The following PTP4A3 variants were observed in gnomAD, a reference collection of about 807,000 sequenced individuals.
PTP4A3 encodes the protein protein tyrosine phosphatase type IVA 3.
A neutral mutation model predicts 15.2 loss-of-function variants in PTP4A3; 9 were observed. That is an observed-to-expected ratio of 0.59 (90% CI 0.36 to 1.03). The LOEUF is 1.03. PTP4A3 is among the 50% of genes least tolerant of loss of function. PTP4A3 has a pLI of 0.02. For synonymous variants in PTP4A3, 95 were observed against 102.0 expected, an observed-to-expected ratio of 0.93 and a Z score of 0.41; for missense variants, 234 against 252.1, an observed-to-expected ratio of 0.93 and a Z score of 0.49.
intron 1 of PTP4A3, among the ~76,000 whole-genome samples, chr8:141,407,337 G>C (rs879495862): frequency 2.6e-5 from 4 of 152,228 alleles, no homozygotes; most frequent in Non-Finnish European, 5.9e-5. Context: ...GGTCTTGGGA[G>C]AACAGAAGTT....
At chr8:141,419,429 TGCTGTTA>T (rs1833217808) in intron 1 of PTP4A3, among the ~76,000 whole-genome samples, 1 of 152,232 alleles carries the variant, frequency 6.6e-6, no homozygotes, top group South Asian at 2.1e-4. Context: ...GGTGTTTGTG[TGCTGTTA>T]GCACGTGGTG....
intron 2 of PTP4A3, among the ~76,000 whole-genome samples, chr8:141,423,130 T>C (rs1833411233): frequency 6.6e-6 from 1 of 152,132 alleles, no homozygotes; most frequent in African/African-American, 2.4e-5. Context: ...CCCTGTGACA[T>C]GAGATAAGCC....
At chr8:141,427,190 A>G (rs1372865333) in intron 4 of PTP4A3, 121 bp downstream of exon 4, 2 of 1,421,766 alleles carry the variant, frequency 1.4e-6, no homozygotes, top group South Asian at 1.3e-5. Flanking sequence ...CAGGAGGCCC[A>G]TGCCCCTAGT....
intron 1 of PTP4A3, among the ~76,000 whole-genome samples, chr8:141,420,726 GAC>G: frequency 6.6e-6 from 1 of 152,238 alleles, no homozygotes; most frequent in South Asian, 2.1e-4. Flanking sequence ...GAGCAGTGGA[GAC>G]ACAGTGGCGG....
intron 3 of PTP4A3, chr8:141,426,585 G>A: frequency 2.0e-6 from 2 of 985,468 alleles, no homozygotes; most frequent in Non-Finnish European, 2.4e-6. Flanking sequence ...CCGGCACACA[G>A]GCGTGAGGGA....
chr8:141,418,486 C>T (rs1586555724), intron 1 of PTP4A3, among the ~76,000 whole-genome samples: 1 of 152,356 alleles, frequency 6.6e-6, no homozygotes, highest in East Asian at 1.9e-4. Context: ...TCTCCCCTCT[C>T]CCTGGCTTGT....
chr8:141,417,921 C>G (rs901195433), intron 1 of PTP4A3, among the ~76,000 whole-genome samples: 6 of 151,886 alleles, frequency 4.0e-5, no homozygotes. Context: ...CGCCTGGAGC[C>G]GGCTCCGCGG....
At chr8:141,399,625 G>T (rs1372951362) in intron 1 of PTP4A3, among the ~76,000 whole-genome samples, 2 of 152,260 alleles carry the variant, frequency 1.3e-5, no homozygotes, top group Admixed American at 6.5e-5. Context: ...AGATGGGTGG[G>T]ATCAGGACAA....
chr8:141,397,262 C>T (rs180701383), intron 1 of PTP4A3, among the ~76,000 whole-genome samples: 1 of 152,314 alleles, frequency 6.6e-6, no homozygotes, highest in African/African-American at 2.4e-5. Context: ...AGGCTGCCTG[C>T]CCATTGTACA....
At position 141,422,183 on chromosome 8, in the gene PTP4A3, C is replaced by T. The variant is rs763970522; in HGVS notation, c.-58C>T. ...GGGGGTGTGTGGGGACTTCTCAGGT[C>T]GTGTCCCCAGCCTTCTCTGCAGTCC... is the stretch of plus-strand genomic sequence containing the variant. On this transcript the variant is annotated 5_prime_UTR_variant, in exon 2 of 6. Transcript: ENST00000521578. 2.3e-5 allele frequency: 35 copies of T among 1,537,640 alleles called. No homozygotes were observed. Among genetic ancestry groups the T allele is most frequent in the Non-Finnish European group, 2.9e-5 (32 of 1,113,492 alleles).
At chr8:141,405,387 G>A (rs891128849) in intron 1 of PTP4A3, among the ~76,000 whole-genome samples, 3 of 152,216 alleles carry the variant, frequency 2.0e-5, no homozygotes, top group Non-Finnish European at 2.9e-5. Flanking sequence ...CAACCTCCGG[G>A]TCCCTGAGGT....
chr8:141,417,058 T>G (rs1272649547), intron 1 of PTP4A3, among the ~76,000 whole-genome samples: 1 of 151,824 alleles, frequency 6.6e-6, no homozygotes, highest in African/African-American at 2.4e-5. Flanking sequence ...ATCCCTGGGG[T>G]TCATAGTCTG....
intron 1 of PTP4A3, among the ~76,000 whole-genome samples, chr8:141,415,449 C>A (rs1239305970): frequency 2.0e-5 from 3 of 150,816 alleles, no homozygotes; most frequent in Non-Finnish European, 3.0e-5. Flanking sequence ...GCTGGAGGGA[C>A]CCTCCTGCCC....
intron 1 of PTP4A3, among the ~76,000 whole-genome samples, chr8:141,400,254 C>T (rs1832557713): frequency 6.6e-6 from 1 of 152,186 alleles, no homozygotes; most frequent in Non-Finnish European, 1.5e-5. Flanking sequence ...CGCCTCTGCA[C>T]CTTGCCCACC....
At chr8:141,408,988 G>T (rs1277118128) in intron 1 of PTP4A3, among the ~76,000 whole-genome samples, 1 of 152,220 alleles carries the variant, frequency 6.6e-6, no homozygotes, top group African/African-American at 2.4e-5. Flanking sequence ...GTGTCACCAC[G>T]CCCTGATGTG....
In PTP4A3 at chr8:141,400,673, A is replaced by C. The variant is rs562737040; in HGVS notation, c.-854+8589A>C. On this transcript the variant is annotated intron_variant, in intron 1 of 5. Transcript: ENST00000521578. ...CTGGCAGAACCCTGGGTCAGATGGGAGGGTTGTTGGTGCCCGGCTGTGTGT... is the reference window on the plus strand; with the variant it reads ...CTGGCAGAACCCTGGGTCAGATGGGCGGGTTGTTGGTGCCCGGCTGTGTGT... Among the ~76,000 whole-genome samples the C allele has an allele frequency of 8.6e-5, 13 of 151,726 alleles. No homozygotes were observed. In the South Asian group the frequency reaches 2.7e-3, roughly 32 times the overall value.
chr8:141,420,718 G>A (rs1202696810), intron 1 of PTP4A3, among the ~76,000 whole-genome samples: 1 of 152,258 alleles, frequency 6.6e-6, no homozygotes, highest in African/African-American at 2.4e-5. Flanking sequence ...ACCTGTGTGA[G>A]CAGTGGAGAC....
chr8:141,418,952 T>C (rs1469170209), intron 1 of PTP4A3, among the ~76,000 whole-genome samples: 1 of 152,126 alleles, frequency 6.6e-6, no homozygotes, highest in Admixed American at 6.5e-5. Flanking sequence ...GCATCATTGC[T>C]TTGCTCTCAC....
rs1833885449 is a variant in PTP4A3, at chr8:141,431,713, C to G, written c.*669C>G. ...CAGCCTGCCCTGTCCTGTCCTGATACCGAGGTGGGAGCCCTGCCTTGGCCA... is the reference window on the plus strand; with the variant it reads ...CAGCCTGCCCTGTCCTGTCCTGATAGCGAGGTGGGAGCCCTGCCTTGGCCA... On this transcript the variant is annotated 3_prime_UTR_variant, in exon 6 of 6. Transcript: ENST00000521578. The G allele has an allele frequency of 6.6e-6, 1 of 152,480 alleles. No individual in the cohort carries two copies. Among genetic ancestry groups the G allele is most frequent in the African/African-American group, 2.4e-5 (1 of 41,458 alleles). The allele number at this position is 152,480 out of a possible 1,614,324, so 9.4% of individuals were successfully genotyped here.
Sources: allele counts gnomAD v4.1 joint callset (sites outside exome capture counted in the v4.1 genomes callset), GRCh38; gene constraint gnomAD v4.1.1; transcripts MANE v1.5; gene names NCBI Gene and HGNC (gene_info 2026-07-23, HGNC 2026-07-21).